The following SAXO1 variants were observed in gnomAD, a reference collection of about 807,000 sequenced individuals.
SAXO1 encodes the protein stabilizer of axonemal microtubules 1.
A neutral mutation model predicts 17.5 loss-of-function variants in SAXO1; 21 were observed. The observed-to-expected ratio is 1.20, with a 90% CI of 0.85 to 1.72. The LOEUF (loss-of-function observed/expected upper bound fraction) is 1.72. SAXO1 is among the 40% of genes most tolerant of loss of function. The probability of loss-of-function intolerance (pLI) is 0.00; values close to 1 mark genes in which losing one functional copy is unlikely to be tolerated. For missense variants in SAXO1, 843 were observed against 596.0 expected, an observed-to-expected ratio of 1.41 and a Z score of -4.32; for synonymous variants, 274 against 216.5, an observed-to-expected ratio of 1.27 and a Z score of -2.33.
At chr9:18,990,083 C>A (rs1163887572) in intron 1 of SAXO1, among the ~76,000 whole-genome samples, 4 of 152,192 alleles carry the variant, frequency 2.6e-5, no homozygotes, top group Admixed American at 2.0e-4. Flanking sequence ...TGGCCCAATG[C>A]CACATAGGTA....
At chr9:18,999,875 T>C (rs1401617604) in intron 1 of SAXO1, among the ~76,000 whole-genome samples, 26 of 53,284 alleles carry the variant, frequency 4.9e-4, no homozygotes, top group East Asian at 1.5e-3. Flanking sequence ...AAGTGAGGAG[T>C]GCCTCTACCC....
At chr9:18,997,455 C>T (rs566914196) in intron 1 of SAXO1, among the ~76,000 whole-genome samples, 11 of 152,246 alleles carry the variant, frequency 7.2e-5, no homozygotes, top group Non-Finnish European at 1.6e-4. Context: ...AACAAAGAGG[C>T]AGGAAAGCTC....
At chr9:18,929,852 C>G (rs988573623) in intron 3 of SAXO1, among the ~76,000 whole-genome samples, 1 of 152,216 alleles carries the variant, frequency 6.6e-6, no homozygotes, top group African/African-American at 2.4e-5. Flanking sequence ...AGCCCACGAT[C>G]TGACCCACTC....
Position 18,928,038 on chromosome 9 carries a change from A to G in SAXO1, c.*14T>C. The G allele has an allele frequency of 1.9e-6, 3 of 1,547,426 alleles. No homozygotes were observed. In the South Asian group the frequency reaches 3.7e-5, roughly 19 times the overall value. On this transcript the variant is annotated 3_prime_UTR_variant, in exon 4 of 4. Transcript: ENST00000380534. ...AAAAGTACTGTGTAATTTCTAAATTACTATTTTTCAAAATCAGGCTAACAC... is the reference window on the plus strand; with the variant it reads ...AAAAGTACTGTGTAATTTCTAAATTGCTATTTTTCAAAATCAGGCTAACAC...
intron 1 of SAXO1, among the ~76,000 whole-genome samples, chr9:18,997,165 G>A (rs1017388735): frequency 7.9e-5 from 12 of 152,224 alleles, no homozygotes; most frequent in African/African-American, 2.9e-4. Flanking sequence ...GAAGAACAAG[G>A]GGTTGGGGGA....
intron 1 of SAXO1, among the ~76,000 whole-genome samples, chr9:19,020,335 G>A (rs1295297123): frequency 7.0e-6 from 1 of 143,344 alleles, no homozygotes; most frequent in African/African-American, 2.5e-5. Context: ...ATTTCAGCCT[G>A]TCGAAATAAT....
At chr9:19,023,060 G>C (rs1835314353) in intron 1 of SAXO1, among the ~76,000 whole-genome samples, 1 of 152,098 alleles carries the variant, frequency 6.6e-6, no homozygotes, top group South Asian at 2.1e-4. Context: ...GAGCCTCCCA[G>C]AGTATAAGGA....
chr9:19,029,345 G>C (rs966954749), intron 1 of SAXO1, among the ~76,000 whole-genome samples: 1 of 152,116 alleles, frequency 6.6e-6, no homozygotes, highest in Non-Finnish European at 1.5e-5. Flanking sequence ...TTAAAAAATG[G>C]GGGAACTGAA....
At chr9:18,968,373 T>A (rs1010678169) in intron 1 of SAXO1, among the ~76,000 whole-genome samples, 1 of 152,124 alleles carries the variant, frequency 6.6e-6, no homozygotes, top group African/African-American at 2.4e-5. Context: ...GATGCATGGA[T>A]AATGGGATGA....
intron 2 of SAXO1, among the ~76,000 whole-genome samples, chr9:18,945,298 C>T (rs1831742652): frequency 6.6e-6 from 1 of 152,198 alleles, no homozygotes; most frequent in African/African-American, 2.4e-5. Context: ...TCAACCTTAT[C>T]CCACTGTGGT....
chr9:18,990,518 C>T (rs1833772580), intron 1 of SAXO1, among the ~76,000 whole-genome samples: 1 of 152,112 alleles, frequency 6.6e-6, no homozygotes, highest in East Asian at 1.9e-4. Context: ...CTGCAGTGAG[C>T]CATGTTTGCA....
chr9:19,043,529 G>T (rs937979374), intron 1 of SAXO1, among the ~76,000 whole-genome samples: 1 of 152,150 alleles, frequency 6.6e-6, no homozygotes, highest in Admixed American at 6.5e-5. Flanking sequence ...CACTTTGGGA[G>T]GCCAAGGCGG....
rs1830891462 is a variant in SAXO1 at position 18,928,635 on chromosome 9, C to T, written c.842G>A (p.Trp281Ter). 6.2e-7 allele frequency: 1 copy of T among 1,614,090 alleles called. No homozygotes were observed. The change falls in exon 4 of 4, where the codon TGG (tryptophan) becomes TAG (stop). Residue 281 changes from tryptophan (W) to a stop codon, truncating the protein, a stop_gained. Coordinates refer to ENST00000380534, the MANE Select transcript of SAXO1 (RefSeq NM_153707.4). LOFTEE classifies it low-confidence loss of function (END_TRUNC). ...TTTGGAGAACATCCGGGGCATTGGC[C>T]AAGCTTGGTACTTATCTCGAAACTC... Reference protein sequence around the residue: ...TTEFRDKYQAWPMPRMFSKAP... With the variant: ...TTEFRDKYQA
intron 1 of SAXO1, among the ~76,000 whole-genome samples, chr9:19,010,437 A>G (rs1834679174): frequency 6.6e-6 from 1 of 152,040 alleles, no homozygotes; most frequent in African/African-American, 2.4e-5. Context: ...CTCTGGTCCT[A>G]CTAAACAAAT....
chr9:18,934,908 T>C (rs745598148), intron 3 of SAXO1, among the ~76,000 whole-genome samples: 1 of 152,168 alleles, frequency 6.6e-6, no homozygotes, highest in Non-Finnish European at 1.5e-5. Flanking sequence ...TTTTTCTTTT[T>C]AATTTGTTTT....
chr9:18,949,702 A>G (rs1292280406), intron 2 of SAXO1, among the ~76,000 whole-genome samples: 1 of 152,150 alleles, frequency 6.6e-6, no homozygotes, highest in Non-Finnish European at 1.5e-5. Flanking sequence ...TTCCAGTCCT[A>G]TTCTGGAGAA....
intron 1 of SAXO1, among the ~76,000 whole-genome samples, chr9:18,971,280 C>T (rs957271380): frequency 6.6e-6 from 1 of 152,054 alleles, no homozygotes; most frequent in Non-Finnish European, 1.5e-5. Context: ...ACTGAATATT[C>T]CCCATGCCCC....
At chr9:18,962,516 G>A (rs1236372712) in intron 1 of SAXO1, among the ~76,000 whole-genome samples, 3 of 152,262 alleles carry the variant, frequency 2.0e-5, no homozygotes, top group African/African-American at 7.2e-5. Context: ...TTCCTTGTAG[G>A]TTCTGGGTAT....
At chr9:19,000,703 TA>T (rs1453302409) in intron 1 of SAXO1, among the ~76,000 whole-genome samples, 3 of 151,656 alleles carry the variant, frequency 2.0e-5, no homozygotes, top group Non-Finnish European at 2.9e-5. Context: ...ACTTTTTAAT[TA>T]AAAAAATAAA....
Sources: allele counts gnomAD v4.1 joint callset (sites outside exome capture counted in the v4.1 genomes callset), GRCh38; gene constraint gnomAD v4.1.1; transcripts MANE v1.5; gene names NCBI Gene and HGNC (gene_info 2026-07-23, HGNC 2026-07-21).